The following ZNF638 variants were observed in gnomAD, a reference collection of about 807,000 sequenced individuals.
ZNF638 encodes zinc finger protein 638, also known as CTCL tumor antigen se33-1.
Under a neutral mutation model 195.6 loss-of-function variants are expected in ZNF638, and 46 were observed. The observed-to-expected ratio is 0.24, with a 90% CI of 0.19 to 0.30. The LOEUF (loss-of-function observed/expected upper bound fraction) is 0.30. Ranked by LOEUF, ZNF638 falls within the 10% of genes least tolerant of loss-of-function variation. The pLI is 1.00. For missense variants in ZNF638, 2,440 were observed against 2,325.3 expected (o/e 1.05, Z -1.01); for synonymous variants, 845 against 772.0 (o/e 1.09, Z -1.57).
At chr2:71,409,256 G>T (rs1483122626) in intron 20 of ZNF638, among the ~76,000 whole-genome samples, 2 of 152,236 alleles carry the variant, frequency 1.3e-5, no homozygotes, top group East Asian at 3.9e-4. Context: ...TGGCTTATTT[G>T]TAACAGTTTT....
rs1315279640 is a variant in ZNF638 at position 71,349,936 on chromosome 2, A to C, written c.982A>C (p.Ile328Leu). 6.2e-7 allele frequency: 1 copy of C among 1,614,220 alleles called. No individual in the cohort carries two copies. The highest frequency in any genetic ancestry group is 1.1e-5 in the South Asian group (1 of 91,082). The change falls in exon 2 of 28, where the codon ATT becomes CTT. Residue 328 changes from isoleucine (I) to leucine (L), a missense_variant. Physicochemically the swap from Ile to Leu is conservative, Grantham distance 5 (BLOSUM62 2). Transcript: ENST00000264447. ...TVSQTMSQSL[I>L]PPSMNQQPFS... ...TAGCCAGACAATGAGTCAATCTCTG[A>C]TTCCTCCATCTATGAACCAGCAACC...
chr2:71,420,333 A>T lies in ZNF638; in HGVS notation c.3299+1694A>T, dbSNP rs57659874. Reference sequence around the variant, plus strand: ...CTCGTGGATACATTCATAATTTAATAATTCACACTGTACTCATTCTGTTGA... The same window carrying T: ...CTCGTGGATACATTCATAATTTAATTATTCACACTGTACTCATTCTGTTGA... On this transcript the variant is annotated intron_variant, in intron 21 of 27. Coordinates refer to ENST00000264447, the MANE Select transcript of ZNF638 (RefSeq NM_014497.5). 0.052 allele frequency among the ~76,000 whole-genome samples: 7,976 copies of T among 152,148 alleles called. 930 individuals carry two copies. The East Asian group carries it at 0.55, about 10-fold the overall frequency.
Position 71,423,178 on chromosome 2 carries a change from G to A in ZNF638, c.3664G>A (p.Ala1222Thr), listed in dbSNP as rs750846510. The change falls in exon 22 of 28, where the codon GCA becomes ACA. Residue 1222 changes from alanine to threonine, a missense_variant. Ala to Thr is a moderately conservative substitution (Grantham distance 58, BLOSUM62 0). This residue lies in a region of ZNF638 where 1,883 missense variants were observed against 1,739.1 expected (regional missense o/e 1.08). Transcript: ENST00000264447. ...KGAEIINPKTALLPSDSVFAE... is the reference protein window; with the variant it reads ...KGAEIINPKTTLLPSDSVFAE... ...GGCAGAAATTATTAACCCTAAAACA[G>A]CATTGTTACCATCTGACAGTGTGTT... 7.4e-6 allele frequency: 12 copies of A among 1,614,008 alleles called. No homozygotes were observed. Among genetic ancestry groups the A allele is most frequent in the African/African-American group, 6.7e-5 (5 of 74,928 alleles).
At chr2:71,404,587 C>T (rs1445545729) in intron 17 of ZNF638, among the ~76,000 whole-genome samples, 1 of 152,064 alleles carries the variant, frequency 6.6e-6, no homozygotes, top group Admixed American at 6.6e-5. Flanking sequence ...CCTGAAGGCG[C>T]ACACCCGTGG....
At chr2:71,369,267 G>A (rs2079262962) in intron 7 of ZNF638, among the ~76,000 whole-genome samples, 1 of 147,452 alleles carries the variant, frequency 6.8e-6, no homozygotes, top group South Asian at 2.1e-4. Context: ...AGGTTGCAGT[G>A]ACTAGAGATG....
intron 1 of ZNF638, among the ~76,000 whole-genome samples, chr2:71,339,168 T>TTTTA (rs1553464106): frequency 8.0e-6 from 1 of 124,514 alleles, no homozygotes; most frequent in African/African-American, 2.7e-5. Context: ...TTTTTTTTTT[T>TTTTA]ATTGAGACGG....
At chr2:71,428,419 G>A (rs1282499973) in intron 24 of ZNF638, 128 bp from the exon 25 acceptor site, 6 of 607,348 alleles carry the variant, frequency 9.9e-6, no homozygotes, top group Non-Finnish European at 1.7e-5. Flanking sequence ...TTAGCAGTAG[G>A]CTTCCCTCCC....
intron 17 of ZNF638, among the ~76,000 whole-genome samples, chr2:71,404,714 C>T (rs555380628): frequency 2.1e-4 from 32 of 152,264 alleles, no homozygotes; most frequent in African/African-American, 7.5e-4. Flanking sequence ...GAGACCTAGT[C>T]TCTAAAACAA....
At chr2:71,388,401 A>G (rs949207319) in intron 10 of ZNF638, 1 of 659,508 alleles carries the variant, frequency 1.5e-6, no homozygotes, top group African/African-American at 1.8e-5. Context: ...ACCTTTGATC[A>G]TCCGCGTGCA....
In ZNF638 at chr2:71,342,513, C is replaced by T. The variant is rs561589174; in HGVS notation, c.-202-6240C>T. ...AGCCTGTAACTTTTGCCTCTTTTTG[C>T]CAGTGCATCTGTGAATCTACATAGG... On this transcript the variant is annotated intron_variant, in intron 1 of 27. Coordinates refer to ENST00000264447, the MANE Select transcript of ZNF638 (RefSeq NM_014497.5). Among the ~76,000 whole-genome samples, 13 of 152,190 alleles carry T rather than the reference C, an allele frequency of 8.5e-5. No individual in the cohort carries two copies. In the South Asian group the frequency reaches 2.1e-3, roughly 24 times the overall value.
rs1381504934 is a variant in ZNF638 at position 71,423,033 on chromosome 2, G to A, written c.3519G>A (p.Glu1173=). The A allele has an allele frequency of 6.8e-6, 11 of 1,613,968 alleles. No homozygotes were observed. In the Admixed American group the frequency reaches 1.2e-4, roughly 17 times the overall value. Residue 1173 remains glutamate (E), a synonymous_variant, in exon 22 of 28, where the codon GAG becomes GAA. Transcript: ENST00000264447. ...ETLELETQGE[E]VKEEIPLVAS... The stretch of plus-strand genomic sequence containing the variant: ...TGGAGCTTGAAACTCAAGGAGAGGA[G>A]GTCAAAGAAGAAATTCCTCTTGTAG...
chr2:71,411,993 T>C (rs2080238413), intron 20 of ZNF638, among the ~76,000 whole-genome samples: 1 of 109,644 alleles, frequency 9.1e-6, no homozygotes, highest in African/African-American at 3.8e-5. Flanking sequence ...ATATACCCAG[T>C]AATGGGATGG....
chr2:71,353,640 A>G (rs1010121210), intron 2 of ZNF638, among the ~76,000 whole-genome samples: 1 of 152,202 alleles, frequency 6.6e-6, no homozygotes, highest in Non-Finnish European at 1.5e-5. Context: ...TGAGAAGAGT[A>G]TATCTTAAAT....
intron 20 of ZNF638, among the ~76,000 whole-genome samples, chr2:71,417,343 G>C (rs1157115889): frequency 6.7e-6 from 1 of 150,218 alleles, no homozygotes; most frequent in Non-Finnish European, 1.5e-5. Flanking sequence ...GCTCGCGCAC[G>C]GTGCGCGCAC....
At chr2:71,395,854 G>A (rs1052527106) in intron 10 of ZNF638, 7 of 484,168 alleles carry the variant, frequency 1.4e-5, no homozygotes, top group Non-Finnish European at 2.6e-5. Flanking sequence ...GTTTGGAAAT[G>A]GGGAATAATT....
At chr2:71,405,562 A>G (rs202026452) in intron 17 of ZNF638, 39 bp from the exon 18 acceptor site, 6 of 1,300,956 alleles carry the variant, frequency 4.6e-6, no homozygotes, top group African/African-American at 3.0e-5. Context: ...TATGAGAAAG[A>G]GCTTATACCA....
chr2:71,376,504 A>G (rs1316304779), intron 8 of ZNF638, among the ~76,000 whole-genome samples: 2 of 152,192 alleles, frequency 1.3e-5, no homozygotes, highest in African/African-American at 4.8e-5. Context: ...CAAGCCAAAA[A>G]TAAGCTGAAA....
intron 10 of ZNF638, among the ~76,000 whole-genome samples, chr2:71,382,654 T>TA (rs2079553814): frequency 6.6e-6 from 1 of 152,200 alleles, no homozygotes; most frequent in Admixed American, 6.5e-5. Flanking sequence ...AGGCTTAGGA[T>TA]GTATCAGTGG....
At chr2:71,398,658 CT>C in intron 11 of ZNF638, 42 bp from the exon 12 acceptor site, 3 of 1,457,330 alleles carry the variant, frequency 2.1e-6, no homozygotes, top group Non-Finnish European at 2.9e-6. Context: ...ATTGTTGATA[CT>C]AGTTAAGTAA....
Sources: gnomAD v4.1 joint callset for allele counts (sites outside exome capture counted in the v4.1 genomes callset) on GRCh38, gnomAD v4.1.1 for gene constraint, gnomAD v4.1.1 regional missense constraint, MANE v1.5 for transcripts, NCBI Gene and HGNC (gene_info 2026-07-23, HGNC 2026-07-21) for gene names.